Variants in SLC9A9 observed in about 807,000 individuals in gnomAD.
SLC9A9 encodes the protein sodium/hydrogen exchanger 9.
A neutral mutation model predicts 77.8 loss-of-function variants in SLC9A9; 62 were observed. That is an observed-to-expected ratio of 0.80 (90% CI 0.65 to 0.98). SLC9A9 has a LOEUF of 0.98. Ranked by LOEUF, SLC9A9 falls within the 50% of genes least tolerant of loss-of-function variation. The pLI, the probability that SLC9A9 is intolerant of heterozygous loss-of-function variation, is 0.00. For missense variants in SLC9A9, 775 were observed against 774.9 expected (o/e 1.00, Z 0.00); for synonymous variants, 320 against 283.5 (o/e 1.13, Z -1.29).
At position 143,552,365 on chromosome 3, in the gene SLC9A9, T is replaced by C. The variant is rs1282871206; in HGVS notation, c.1086A>G (p.Lys362=). The change falls in exon 9 of 16, where the codon AAA becomes AAG. Residue 362 remains lysine, a synonymous_variant. Transcript: ENST00000316549. ...NLSSDSKIRT[K]QLFEFMNFLA... ...TGTAGTAAATTTTTTCTTTTACCTG[T>C]TTAGTTCTTATTTTGGAATCCGAAG... The C allele has an allele frequency of 6.2e-7, 1 of 1,611,584 alleles. No homozygotes were observed.
At position 143,266,138 on chromosome 3, in the gene SLC9A9, G is replaced by T. The variant is rs1010774590; in HGVS notation, c.*564C>A. Reference sequence around the variant, plus strand: ...CAATAGGTTCTTCAACTCAGTGTGGGCTCTGGGAAACCATCAGCAGTGGGT... The same window carrying T: ...CAATAGGTTCTTCAACTCAGTGTGGTCTCTGGGAAACCATCAGCAGTGGGT... On this transcript the variant is annotated 3_prime_UTR_variant, in exon 16 of 16. Transcript: ENST00000316549. The T allele has an allele frequency of 4.3e-6, 3 of 702,044 alleles. No individual in the cohort carries two copies. Among genetic ancestry groups the T allele is most frequent in the Admixed American group, 4.0e-5 (2 of 50,002 alleles). 43.5% of individuals were successfully genotyped at this position (702,044 alleles called of 1,614,324 possible). A position where few individuals can be genotyped will look rare whatever the true frequency, so the allele number is the denominator to read the frequency against.
intron 6 of SLC9A9, among the ~76,000 whole-genome samples, chr3:143,600,590 G>A (rs1170152739): frequency 6.6e-6 from 1 of 152,098 alleles, no homozygotes; most frequent in Non-Finnish European, 1.5e-5. Flanking sequence ...TGCAGAGATT[G>A]GTGACATTCT....
intron 4 of SLC9A9, among the ~76,000 whole-genome samples, chr3:143,787,569 CTTGAT>C (rs777026953): frequency 6.6e-6 from 1 of 152,238 alleles, no homozygotes; most frequent in Non-Finnish European, 1.5e-5. Context: ...TATTACAGGA[CTTGAT>C]TTGTTTATTT....
chr3:143,275,687 T>G (rs1329340111), intron 14 of SLC9A9, among the ~76,000 whole-genome samples: 1 of 152,202 alleles, frequency 6.6e-6, no homozygotes, highest in Non-Finnish European at 1.5e-5. Context: ...AATTCTTTCA[T>G]GTCTTGTATC....
intron 8 of SLC9A9, among the ~76,000 whole-genome samples, chr3:143,567,304 G>A (rs548652669): frequency 7.9e-5 from 12 of 152,248 alleles, no homozygotes; most frequent in African/African-American, 2.6e-4. Flanking sequence ...AGATCCAGAA[G>A]CCAGAGACAC....
intron 14 of SLC9A9, among the ~76,000 whole-genome samples, chr3:143,297,747 T>C (rs1381738470): frequency 6.6e-6 from 1 of 152,264 alleles, no homozygotes; most frequent in Non-Finnish European, 1.5e-5. Flanking sequence ...TAAGTATTTT[T>C]TGATGCCATT....
intron 4 of SLC9A9, among the ~76,000 whole-genome samples, chr3:143,739,608 G>C (rs898189923): frequency 6.6e-6 from 1 of 152,142 alleles, no homozygotes; most frequent in Non-Finnish European, 1.5e-5. Context: ...ATAAAAATAA[G>C]GAAGTCCAAG....
chr3:143,423,858 T>C (rs906558140), intron 12 of SLC9A9, among the ~76,000 whole-genome samples: 8 of 152,326 alleles, frequency 5.3e-5, no homozygotes, highest in African/African-American at 1.9e-4. Context: ...TGATGGCATG[T>C]GACAAGAAGA....
At chr3:143,801,333 A>G (rs967292969) in intron 2 of SLC9A9, among the ~76,000 whole-genome samples, 1 of 152,156 alleles carries the variant, frequency 6.6e-6, no homozygotes, top group Admixed American at 6.5e-5. Context: ...CTGCCCTAAT[A>G]CTTTTAGAGG....
intron 2 of SLC9A9, among the ~76,000 whole-genome samples, chr3:143,823,950 A>G (rs553989465): frequency 1.3e-5 from 2 of 152,252 alleles, no homozygotes; most frequent in South Asian, 4.2e-4. Flanking sequence ...TATAGAGTAT[A>G]TTGATACAGT....
intron 14 of SLC9A9, among the ~76,000 whole-genome samples, chr3:143,346,735 G>A (rs142977187): frequency 0.028 from 4,282 of 152,228 alleles, 76 homozygotes; most frequent in South Asian, 0.04. Context: ...GGAGGTTGCC[G>A]TGAGCCGAGA....
At chr3:143,784,497 T>C (rs1049151381) in intron 4 of SLC9A9, among the ~76,000 whole-genome samples, 5 of 151,874 alleles carry the variant, frequency 3.3e-5, no homozygotes, top group African/African-American at 1.2e-4. Context: ...CCAAGTCTTA[T>C]TTTCTTTTCT....
Position 143,631,552 on chromosome 3 carries a change from T to G in SLC9A9, c.755+20703A>C, listed in dbSNP as rs577197229. Among the ~76,000 whole-genome samples, 6 of 152,302 alleles carry G rather than the reference T, an allele frequency of 3.9e-5. No individual in the cohort carries two copies. In the South Asian group the frequency reaches 1.2e-3, roughly 32 times the overall value. On this transcript the variant is annotated intron_variant, in intron 6 of 15. Transcript: ENST00000316549. Reference sequence around the variant, plus strand: ...TCTCACTCTTTCACATTTCGTTCCTTGATAGAGACATGAGCACAAAATATA... The same window carrying G: ...TCTCACTCTTTCACATTTCGTTCCTGGATAGAGACATGAGCACAAAATATA...
In SLC9A9 at chr3:143,418,146, G is replaced by A. The variant is rs550564632; in HGVS notation, c.1470-36032C>T. Among the ~76,000 whole-genome samples the A allele has an allele frequency of 3.0e-4, 45 of 150,396 alleles. 1 individual carries two copies. In the South Asian group the frequency reaches 9.2e-3, roughly 31 times the overall value. ...TCACAAAACTAGTAAGTGATAATCC[G>A]GGCATCTGGTCCAGAGATTGAATTC... On this transcript the variant is annotated intron_variant, in intron 12 of 15. Transcript: ENST00000316549.
chr3:143,822,202 C>A (rs1228860917), intron 2 of SLC9A9, among the ~76,000 whole-genome samples: 2 of 152,132 alleles, frequency 1.3e-5, no homozygotes, highest in Non-Finnish European at 2.9e-5. Context: ...AGCTTCATTT[C>A]TCTCTCTACC....
At chr3:143,612,538 T>C (rs1323397511) in intron 6 of SLC9A9, among the ~76,000 whole-genome samples, 2 of 152,234 alleles carry the variant, frequency 1.3e-5, no homozygotes, top group East Asian at 3.8e-4. Context: ...CATGGATGCC[T>C]GATCGAAAGC....
intron 12 of SLC9A9, among the ~76,000 whole-genome samples, chr3:143,442,735 T>G (rs1192280847): frequency 6.6e-6 from 1 of 152,070 alleles, no homozygotes; most frequent in Non-Finnish European, 1.5e-5. Context: ...AATAAATAAA[T>G]AAATAAACTC....
chr3:143,810,638 CAT>C (rs374850464), intron 2 of SLC9A9, among the ~76,000 whole-genome samples: 59 of 152,292 alleles, frequency 3.9e-4, no homozygotes, highest in African/African-American at 1.3e-3. Flanking sequence ...ATGAGGCTAA[CAT>C]AACCATTTTA....
chr3:143,463,457 C>T (rs773022769), intron 12 of SLC9A9, among the ~76,000 whole-genome samples: 4 of 152,154 alleles, frequency 2.6e-5, no homozygotes, highest in South Asian at 2.1e-4. Flanking sequence ...ACCATTTGGT[C>T]GATAATCTTG....
Sources: gnomAD v4.1 joint callset for allele counts (sites outside exome capture counted in the v4.1 genomes callset) on GRCh38, gnomAD v4.1.1 for gene constraint, MANE v1.5 for transcripts, NCBI Gene and HGNC (gene_info 2026-07-23, HGNC 2026-07-21) for gene names.